The following CRMP1 variants were observed in gnomAD, a reference collection of about 807,000 sequenced individuals.
CRMP1 encodes the protein dihydropyrimidinase-related protein 1.
Under a neutral mutation model 68.3 loss-of-function variants are expected in CRMP1, and 19 were observed. That is an observed-to-expected ratio of 0.28 (90% CI 0.19 to 0.41). CRMP1 has a LOEUF of 0.41. Among genes scored for constraint, CRMP1 ranks in the 10% least tolerant of loss-of-function variants. The pLI, the probability that CRMP1 is intolerant of heterozygous loss-of-function variation, is 1.00. For synonymous variants in CRMP1, 439 were observed against 399.6 expected (o/e 1.10, Z -1.18); for missense variants, 791 against 967.4 (o/e 0.82, Z 2.42).
In CRMP1 at chr4:5,888,422, G is replaced by A; in HGVS notation, c.381+4167C>T. ...CGGCGCCCGTGGATGCCCACGCGCG[G>A]CTGCCCCGGCTGCTCGGCCCGCCCG... On this transcript the variant is annotated intron_variant, in intron 1 of 13. Transcript: ENST00000324989. This position sits in a 1 kb window ranked among gnomAD's most constrained non-coding sequence, Gnocchi z 6.4. 8.2e-7 allele frequency: 1 copy of A among 1,216,374 alleles called. No homozygotes were observed. The highest frequency in any genetic ancestry group is 1.0e-6 in the Non-Finnish European group (1 of 978,178). The allele number at this position is 1,216,374 out of a possible 1,614,324, so 75.3% of individuals were successfully genotyped here. A position where few individuals can be genotyped will look rare whatever the true frequency, so the allele number is the denominator to read the frequency against.
chr4:5,850,154 A>G lies in CRMP1; in HGVS notation c.883-682T>C, dbSNP rs1712514191. Among the ~76,000 whole-genome samples the G allele has an allele frequency of 1.3e-5, 2 of 152,168 alleles. No individual in the cohort carries two copies. Among genetic ancestry groups the G allele is most frequent in the Admixed American group, 6.5e-5 (1 of 15,276 alleles). ...GAAGCTCCCTCTCCAGGGACACTTG[A>G]ACCTCAACTTTGTTCTCCATGCATG... On this transcript the variant is annotated intron_variant, in intron 5 of 13. Transcript: ENST00000324989. The surrounding 1 kb of genome is among the most constrained non-coding windows in gnomAD (Gnocchi z 4.4).
chr4:5,847,295 T>C (rs1712294114), intron 6 of CRMP1, among the ~76,000 whole-genome samples: 1 of 152,154 alleles, frequency 6.6e-6, no homozygotes, highest in South Asian at 2.1e-4. Context: ...CACCTGGACC[T>C]GGTTTGGATG....
chr4:5,839,270 G>C (rs1018229757), intron 9 of CRMP1, among the ~76,000 whole-genome samples: 1 of 152,222 alleles, frequency 6.6e-6, no homozygotes, highest in Non-Finnish European at 1.5e-5. Context: ...CTGCCACAGA[G>C]CAGGTGCTTA....
intron 11 of CRMP1, among the ~76,000 whole-genome samples, chr4:5,831,593 C>G (rs964737476): frequency 3.9e-5 from 6 of 152,122 alleles, no homozygotes; most frequent in African/African-American, 1.4e-4. Flanking sequence ...GTGCAAGGAA[C>G]CAGTCACCCA....
At chr4:5,837,460 TAA>T (rs11455180) in intron 9 of CRMP1, among the ~76,000 whole-genome samples, 11 of 124,980 alleles carry the variant, frequency 8.8e-5, no homozygotes, top group Middle Eastern at 4.0e-3. Context: ...TTGTCTCTAC[TAA>T]AAAAAAAAAA....
rs1378378061 is a variant in CRMP1 at position 5,892,708 on chromosome 4, C to T, written c.262G>A (p.Val88Met). 4.1e-6 allele frequency: 5 copies of T among 1,226,186 alleles called. No individual in the cohort carries two copies. Among genetic ancestry groups the T allele is most frequent in the Non-Finnish European group, 5.1e-6 (5 of 983,376 alleles). The allele number at this position is 1,226,186 out of a possible 1,614,324, so 76.0% of individuals were successfully genotyped here. A position where few individuals can be genotyped will look rare whatever the true frequency, so the allele number is the denominator to read the frequency against. The change falls in exon 1 of 14, where the codon GTG becomes ATG. Residue 88 changes from valine to methionine, a missense_variant. Coordinates refer to ENST00000324989, the MANE Select transcript of CRMP1 (RefSeq NM_001014809.3). The surrounding 1 kb of genome is among the most constrained non-coding windows in gnomAD (Gnocchi z 8.6). ...ACCGCGGAGCCCGAGGGCTCGCTCA[C>T]GTCGCTGGCCGTGTCCTCGCTGCCT... is the stretch of plus-strand genomic sequence containing the variant. ...PGGSEDTASD[V>M]SEPSGSAVSS...
rs985626724 is a variant in CRMP1 at position 5,821,957 on chromosome 4, A to C, written c.1970-106T>G. The C allele has an allele frequency of 2.3e-6, 2 of 868,922 alleles. No homozygotes were observed. Among genetic ancestry groups the C allele is most frequent in the South Asian group, 1.9e-5 (1 of 52,872 alleles). The allele number at this position is 868,922 out of a possible 1,614,324, so 53.8% of individuals were successfully genotyped here. A position where few individuals can be genotyped will look rare whatever the true frequency, so the allele number is the denominator to read the frequency against. On this transcript the variant is annotated intron_variant, in intron 13 of 13. Transcript: ENST00000324989. The surrounding 1 kb of genome is among the most constrained non-coding windows in gnomAD (Gnocchi z 4.4). ...CATGCACTCCACTGGACCCACCTTCATTCAGGGCTCAGTCCAGGACCAGCC... is the reference window on the plus strand; with the variant it reads ...CATGCACTCCACTGGACCCACCTTCCTTCAGGGCTCAGTCCAGGACCAGCC...
chr4:5,887,942 C>T, intron 1 of CRMP1: 1 of 582,152 alleles, frequency 1.7e-6, no homozygotes, highest in East Asian at 4.4e-5. Flanking sequence ...CCTCCCTGTC[C>T]ACGCCATCCT....
intron 6 of CRMP1, 137 bp downstream of exon 6, chr4:5,849,255 G>A: frequency 1.5e-6 from 1 of 666,766 alleles, no homozygotes; most frequent in Non-Finnish European, 2.6e-6. Flanking sequence ...CATATCTGAT[G>A]TGTCTGATAT....
At chr4:5,827,609 T>TAC (rs540130361) in intron 12 of CRMP1, among the ~76,000 whole-genome samples, 1 of 151,702 alleles carries the variant, frequency 6.6e-6, no homozygotes, top group Admixed American at 6.6e-5. Context: ...CATGCTCGCA[T>TAC]ACACACACGC....
At chr4:5,827,753 A>ACACACG (rs1719913078) in intron 12 of CRMP1, among the ~76,000 whole-genome samples, 1 of 152,108 alleles carries the variant, frequency 6.6e-6, no homozygotes, top group African/African-American at 2.4e-5. Flanking sequence ...ACACACACAC[A>ACACACG]CGAAGCTGGC....
intron 6 of CRMP1, among the ~76,000 whole-genome samples, chr4:5,848,354 G>C (rs964912920): frequency 2.0e-5 from 3 of 152,090 alleles, no homozygotes; most frequent in Admixed American, 6.6e-5. Flanking sequence ...ACCACACCCA[G>C]CTAATTTTTG....
At position 5,869,853 on chromosome 4, in the gene CRMP1, A is replaced by G. The variant is rs188149050; in HGVS notation, c.382-3097T>C. On this transcript the variant is annotated intron_variant, in intron 1 of 13. Transcript: ENST00000324989. ...GTATCCTGTTCAATAAATGAATCCA[A>G]TAAAGAGGGCATATTGACCTGGCTA... 1.1e-3 allele frequency among the ~76,000 whole-genome samples: 174 copies of G among 152,140 alleles called. 3 individuals carry two copies. Among genetic ancestry groups the G allele is most frequent in the Non-Finnish European group, 5.7e-4 (39 of 67,996 alleles).
chr4:5,845,800 G>C (rs2152461349), intron 6 of CRMP1, among the ~76,000 whole-genome samples: 1 of 152,324 alleles, frequency 6.6e-6, no homozygotes, highest in South Asian at 2.1e-4. Flanking sequence ...TTCCCAAACA[G>C]CAATTTAAAT....
chr4:5,825,779 C>A lies in CRMP1; in HGVS notation c.1804-120G>T, dbSNP rs1719474819. The A allele has an allele frequency of 1.2e-6, 1 of 820,716 alleles. No individual in the cohort carries two copies. The highest frequency in any genetic ancestry group is 2.9e-5 in the East Asian group (1 of 34,622). 50.8% of individuals were successfully genotyped at this position (820,716 alleles called of 1,614,324 possible). A position where few individuals can be genotyped will look rare whatever the true frequency, so the allele number is the denominator to read the frequency against. On this transcript the variant is annotated intron_variant, in intron 12 of 13. Coordinates refer to ENST00000324989, the MANE Select transcript of CRMP1 (RefSeq NM_001014809.3). The surrounding 1 kb of genome is among the most constrained non-coding windows in gnomAD (Gnocchi z 4.4). Reference sequence around the variant, plus strand: ...TGAGGTCACTTCAAATGTGCATGCACACACACACACAACACGCACACACGA... The same window carrying A: ...TGAGGTCACTTCAAATGTGCATGCAAACACACACACAACACGCACACACGA...
At position 5,825,855 on chromosome 4, in the gene CRMP1, G is replaced by T; in HGVS notation, c.1804-196C>A. On this transcript the variant is annotated intron_variant, in intron 12 of 13. Coordinates refer to ENST00000324989, the MANE Select transcript of CRMP1 (RefSeq NM_001014809.3). The surrounding 1 kb of genome is among the most constrained non-coding windows in gnomAD (Gnocchi z 4.4). ...CGCACACAGGCATTCATACACACAA[G>T]CATGCATACACACACATCTACATAC... The T allele has an allele frequency of 1.7e-6, 1 of 576,018 alleles. No individual in the cohort carries two copies. Among genetic ancestry groups the T allele is most frequent in the South Asian group, 2.2e-5 (1 of 45,162 alleles). 35.7% of individuals were successfully genotyped at this position (576,018 alleles called of 1,614,324 possible).
chr4:5,866,359 T>C lies in CRMP1; in HGVS notation c.470+309A>G, dbSNP rs114200285. 4.2e-3 allele frequency among the ~76,000 whole-genome samples: 640 copies of C among 152,346 alleles called. 6 individuals are homozygous for C. The highest frequency in any genetic ancestry group is 0.011 in the African/African-American group (446 of 41,578). On this transcript the variant is annotated intron_variant, in intron 2 of 13. Transcript: ENST00000324989. This position sits in a 1 kb window ranked among gnomAD's most constrained non-coding sequence, Gnocchi z 5.9. The stretch of plus-strand genomic sequence containing the variant: ...ATATGGGGCCAGGTACCCAGACTCA[T>C]TGGCCTGCCGCCTCCAAAACCACAA...
intron 11 of CRMP1, among the ~76,000 whole-genome samples, chr4:5,835,088 G>T (rs556484614): frequency 3.3e-5 from 5 of 152,158 alleles, no homozygotes; most frequent in Non-Finnish European, 5.9e-5. Context: ...TCCAGTATGT[G>T]AGCCCATACT....
At position 5,892,894 on chromosome 4, in the gene CRMP1, G is replaced by T; in HGVS notation, c.76C>A (p.Gln26Lys). ...VYLARPGSAA[Q>K]TPRQKYGGMF... ...CCGCCGTACTTCTGGCGCGGGGTCT[G>T]CGCCGCGCTGCCCGGCCGCGCCAGG... Residue 26 changes from glutamine (Q) to lysine (K), a missense_variant, in exon 1 of 14, where the codon CAG (glutamine) becomes AAG (lysine). Transcript: ENST00000324989. The surrounding 1 kb of genome is among the most constrained non-coding windows in gnomAD (Gnocchi z 8.6). 1 of 1,382,156 alleles carries T rather than the reference G, an allele frequency of 7.2e-7. No homozygotes were observed. 85.6% of individuals were successfully genotyped at this position (1,382,156 alleles called of 1,614,324 possible).
Sources: gnomAD v4.1 joint callset for allele counts (sites outside exome capture counted in the v4.1 genomes callset) on GRCh38, gnomAD v4.1.1 for gene constraint, Gnocchi (gnomAD v3.1) non-coding constraint, MANE v1.5 for transcripts, NCBI Gene and HGNC (gene_info 2026-07-23, HGNC 2026-07-21) for gene names.